The following MCTP2 variants were observed in gnomAD, a reference collection of about 807,000 sequenced individuals.
The protein encoded by MCTP2 is multiple C2 and transmembrane domain containing 2, also known as multiple C2 and transmembrane domain-containing protein 2.
MCTP2 carries 132 observed loss-of-function variants against 111.6 expected under a neutral mutation model. The observed-to-expected ratio is 1.18, with a 90% confidence interval of 1.03 to 1.37. MCTP2 has a LOEUF of 1.37. Ranked by LOEUF, MCTP2 falls within the 40% of genes most tolerant of loss-of-function variation. The pLI, the probability that MCTP2 is intolerant of heterozygous loss-of-function variation, is 0.00. For missense variants in MCTP2, 1,183 were observed against 1,067.9 expected (o/e 1.11, Z -1.50); for synonymous variants, 395 against 387.7 (o/e 1.02, Z -0.22).
rs201413238 is a variant in MCTP2, at chr15:94,345,184, C to T, written c.1005+20C>T. The T allele has an allele frequency of 8.1e-4, 1,302 of 1,605,488 alleles. 6 individuals are homozygous for T. The highest frequency in any genetic ancestry group is 7.0e-5 in the Non-Finnish European group (82 of 1,174,610). On this transcript the variant is annotated intron_variant, in intron 8 of 22. Coordinates refer to ENST00000357742, the MANE Select transcript of MCTP2 (RefSeq NM_001385001.1). ...AGCAAGGTAAATATACTTTTTTTTC[C>T]TTTAGATCATTTGGTTAAAAACTTT...
At chr15:94,417,674 C>T (rs973644753) in intron 17 of MCTP2, among the ~76,000 whole-genome samples, 9 of 152,044 alleles carry the variant, frequency 5.9e-5, no homozygotes, top group African/African-American at 2.2e-4. Context: ...GCCTTGGCAT[C>T]GTTCTTGTTT....
chr15:94,372,737 T>A (rs1293962620), intron 12 of MCTP2, among the ~76,000 whole-genome samples: 1 of 152,058 alleles, frequency 6.6e-6, no homozygotes, highest in African/African-American at 2.4e-5. Context: ...AGCGTTCATT[T>A]ATTGCAGTTG....
chr15:94,299,220 A>C (rs1403170081), intron 2 of MCTP2, among the ~76,000 whole-genome samples: 1 of 151,866 alleles, frequency 6.6e-6, no homozygotes, highest in Non-Finnish European at 1.5e-5. Context: ...TAACTCTTCC[A>C]GAATACTTTA....
At position 94,458,946 on chromosome 15, in the gene MCTP2, C is replaced by A. The variant is rs115557639; in HGVS notation, c.2360+700C>A. ...ATGCTGGATTTGATTTATAGTCTACCCACAGCTTGCCACCCCCATCTTAGG... is the reference window on the plus strand; with the variant it reads ...ATGCTGGATTTGATTTATAGTCTACACACAGCTTGCCACCCCCATCTTAGG... On this transcript the variant is annotated intron_variant, in intron 20 of 22. Coordinates refer to ENST00000357742, the MANE Select transcript of MCTP2 (RefSeq NM_001385001.1). Among the ~76,000 whole-genome samples, 1,172 of 152,180 alleles carry A rather than the reference C, an allele frequency of 7.7e-3. 19 individuals carry two copies. The highest frequency in any genetic ancestry group is 0.025 in the African/African-American group (1,059 of 41,540).
At chr15:94,478,765 T>TA (rs2074568700) in intron 22 of MCTP2, among the ~76,000 whole-genome samples, 1 of 152,192 alleles carries the variant, frequency 6.6e-6, no homozygotes, top group African/African-American at 2.4e-5. Flanking sequence ...CTGCTTTTAA[T>TA]ATTTTGGTTT....
At chr15:94,444,305 T>C (rs762031189) in intron 19 of MCTP2, among the ~76,000 whole-genome samples, 5 of 152,238 alleles carry the variant, frequency 3.3e-5, no homozygotes, top group Non-Finnish European at 7.3e-5. Context: ...CCTCCATGTG[T>C]TCACCAACCC....
At chr15:94,360,618 C>T (rs1183167337) in intron 10 of MCTP2, among the ~76,000 whole-genome samples, 2 of 152,186 alleles carry the variant, frequency 1.3e-5, no homozygotes, top group Non-Finnish European at 2.9e-5. Flanking sequence ...AATAATGCCC[C>T]TGCATTTCAC....
intron 17 of MCTP2, among the ~76,000 whole-genome samples, chr15:94,408,415 C>CT (rs756179472): frequency 2.0e-5 from 3 of 152,192 alleles, no homozygotes; most frequent in Admixed American, 1.3e-4. Context: ...TATTTGGCAT[C>CT]TTATGGTTTT....
chr15:94,359,310 G>A (rs2078794719), intron 10 of MCTP2, among the ~76,000 whole-genome samples: 1 of 152,170 alleles, frequency 6.6e-6, no homozygotes, highest in African/African-American at 2.4e-5. Context: ...TGGAACTTCA[G>A]AAGTTTACAC....
At chr15:94,372,045 A>G (rs111656518) in intron 12 of MCTP2, among the ~76,000 whole-genome samples, 1 of 152,322 alleles carries the variant, frequency 6.6e-6, no homozygotes, top group Admixed American at 6.5e-5. Flanking sequence ...GACCCTCTCT[A>G]TGGAAGAATA....
chr15:94,264,020 C>T (rs559437092), intron 1 of MCTP2, among the ~76,000 whole-genome samples: 5 of 152,316 alleles, frequency 3.3e-5, no homozygotes, highest in African/African-American at 1.2e-4. Context: ...CTCTCTGGCA[C>T]TCCTCTTACT....
At chr15:94,400,503 A>G (rs571448406) in intron 16 of MCTP2, among the ~76,000 whole-genome samples, 94 of 151,558 alleles carry the variant, frequency 6.2e-4, no homozygotes, top group African/African-American at 2.3e-3. Context: ...TTCACCCCAT[A>G]CTGAATGCAA....
At chr15:94,260,230 G>A (rs1408593586) in intron 1 of MCTP2, among the ~76,000 whole-genome samples, 6 of 152,072 alleles carry the variant, frequency 3.9e-5, no homozygotes, top group Non-Finnish European at 8.8e-5. Context: ...ATTCCTCCCC[G>A]ACTCAGGATC....
chr15:94,323,741 T>A (rs1227101879), intron 4 of MCTP2, among the ~76,000 whole-genome samples: 2 of 152,196 alleles, frequency 1.3e-5, no homozygotes, highest in Non-Finnish European at 2.9e-5. Flanking sequence ...TCACCTTCGT[T>A]AGCAATCCGC....
intron 2 of MCTP2, among the ~76,000 whole-genome samples, chr15:94,306,295 G>A (rs2075877612): frequency 6.6e-6 from 1 of 152,142 alleles, no homozygotes; most frequent in Admixed American, 6.5e-5. Flanking sequence ...CCTAACAAGT[G>A]CTTACTGCCA....
rs1302995767 is a variant in MCTP2, at chr15:94,399,821, AGAAGCTATTG to A, written c.1891-98_1891-89del. Reference sequence around the variant, plus strand: ...TTTGCTCCCTGCTAAGGTCAGAGTCAGAAGCTATTGGTCTGCACGATTTTCCCAGTCATTA... The same window carrying A: ...TTTGCTCCCTGCTAAGGTCAGAGTCAGTCTGCACGATTTTCCCAGTCATTA... On this transcript the variant is annotated intron_variant, in intron 15 of 22. Transcript: ENST00000357742. 13 of 966,860 alleles carry A rather than the reference AGAAGCTATTG, an allele frequency of 1.3e-5. No individual in the cohort carries two copies. The East Asian group carries it at 3.1e-4, about 23-fold the overall frequency. The allele number at this position is 966,860 out of a possible 1,614,324, so 59.9% of individuals were successfully genotyped here. A position where few individuals can be genotyped will look rare whatever the true frequency, so the allele number is the denominator to read the frequency against.
In MCTP2 at chr15:94,479,045, G is replaced by C; in HGVS notation, c.*11G>C. 2 of 1,613,720 alleles carry C rather than the reference G, an allele frequency of 1.2e-6. No individual in the cohort carries two copies. Among genetic ancestry groups the C allele is most frequent in the Non-Finnish European group, 1.7e-6 (2 of 1,179,744 alleles). On this transcript the variant is annotated 3_prime_UTR_variant, in exon 23 of 23. Coordinates refer to ENST00000357742, the MANE Select transcript of MCTP2 (RefSeq NM_001385001.1). ...CGCAGCGCTCTCTAGGGCACACACC[G>C]ACTTTGGACAGCAGCACCCAATATT...
At chr15:94,286,319 A>AT (rs1243935809) in intron 1 of MCTP2, among the ~76,000 whole-genome samples, 4 of 152,132 alleles carry the variant, frequency 2.6e-5, no homozygotes, top group African/African-American at 4.8e-5. Flanking sequence ...ACACCATCAG[A>AT]TTTTTTACTA....
intron 8 of MCTP2, among the ~76,000 whole-genome samples, chr15:94,346,225 C>T (rs1222160936): frequency 2.0e-5 from 3 of 151,996 alleles, no homozygotes; most frequent in Admixed American, 1.3e-4. Flanking sequence ...TTTGAAAATA[C>T]GAAGGAAACA....
Sources: allele counts gnomAD v4.1 joint callset (sites outside exome capture counted in the v4.1 genomes callset), GRCh38; gene constraint gnomAD v4.1.1; transcripts MANE v1.5; gene names NCBI Gene and HGNC (gene_info 2026-07-23, HGNC 2026-07-21).